Variants in GPHN observed in about 807,000 individuals in gnomAD.
The protein encoded by GPHN is gephyrin.
In GPHN, 17 loss-of-function variants were observed where a neutral mutation model predicts 95.5. The ratio of observed to expected loss-of-function variants is 0.18; its 90% confidence interval spans 0.12 to 0.27. GPHN has a LOEUF of 0.27. Among genes scored for constraint, GPHN ranks in the 10% least tolerant of loss-of-function variants. GPHN has a pLI of 1.00. For missense variants in GPHN, 660 were observed against 978.1 expected, an observed-to-expected ratio of 0.67 and a Z score of 4.34; for synonymous variants, 320 against 322.5, an observed-to-expected ratio of 0.99 and a Z score of 0.08.
intron 1 of GPHN, among the ~76,000 whole-genome samples, chr14:66,637,033 T>TA (rs770440008): frequency 8.5e-5 from 13 of 152,192 alleles, no homozygotes; most frequent in Non-Finnish European, 8.8e-5. Flanking sequence ...ACTGTAGTTG[T>TA]AAGTATTTGC....
At position 67,122,301 on chromosome 14, in the gene GPHN, A is replaced by G. The variant is rs768742351; in HGVS notation, c.1672A>G (p.Ser558Gly). 1 of 1,613,530 alleles carries G rather than the reference A, an allele frequency of 6.2e-7. No individual in the cohort carries two copies. Among genetic ancestry groups the G allele is most frequent in the Non-Finnish European group, 8.5e-7 (1 of 1,179,480 alleles). Reference protein sequence around the residue: ...DDLLPGKIRDSNRSTLLATIQ... With the variant: ...DDLLPGKIRDGNRSTLLATIQ... Reference sequence around the variant, plus strand: ...CCTCTTACCAGGGAAGATTCGAGACAGCAATCGTTCAACTCTTCTAGCAAC... The same window carrying G: ...CCTCTTACCAGGGAAGATTCGAGACGGCAATCGTTCAACTCTTCTAGCAAC... The change falls in exon 17 of 23, where the codon AGC (serine) becomes GGC (glycine). Residue 558 changes from serine to glycine, a missense_variant. Physicochemically the swap from Ser to Gly is moderately conservative, Grantham distance 56. Transcript: ENST00000478722.
chr14:67,151,541 G>T (rs73276976), intron 18 of GPHN, among the ~76,000 whole-genome samples: 5 of 152,156 alleles, frequency 3.3e-5, no homozygotes, highest in African/African-American at 1.2e-4. Flanking sequence ...AAATGAATAC[G>T]GAGGCCAAAA....
At chr14:67,196,912 T>C in the GPHN span, 1 of 152,204 alleles carries the variant, frequency 6.6e-6, no homozygotes, top group Non-Finnish European at 1.5e-5. Context: ...AATTAGTTTC[T>C]TTTGTATACA....
At chr14:66,727,384 G>A (rs956783662) in intron 2 of GPHN, among the ~76,000 whole-genome samples, 2 of 152,224 alleles carry the variant, frequency 1.3e-5, no homozygotes, top group Admixed American at 6.5e-5. Flanking sequence ...AAATGTGGAA[G>A]TGACTTTGGA....
At chr14:67,198,177 A>G in the GPHN span, 1 of 1,613,082 alleles carries the variant, frequency 6.2e-7, no homozygotes, top group Non-Finnish European at 8.5e-7. Flanking sequence ...GAAGAACACC[A>G]GCAAGACTAC....
chr14:67,037,373 T>C (rs1299068762), intron 10 of GPHN, among the ~76,000 whole-genome samples: 1 of 151,932 alleles, frequency 6.6e-6, no homozygotes, highest in African/African-American at 2.4e-5. Context: ...AAAAACTTTA[T>C]GACATTGAAA....
At chr14:67,066,085 T>C (rs1210549607) in intron 11 of GPHN, among the ~76,000 whole-genome samples, 1 of 152,224 alleles carries the variant, frequency 6.6e-6, no homozygotes, top group Non-Finnish European at 1.5e-5. Context: ...CAGTTGTTCC[T>C]TTCCATGTTT....
chr14:66,788,832 A>AGTTTTAGTAGAGATGGGGTTTCACCAT (rs2059875637), intron 3 of GPHN, among the ~76,000 whole-genome samples: 2 of 151,964 alleles, frequency 1.3e-5, no homozygotes, highest in African/African-American at 2.4e-5. Context: ...AATTTTTTGT[A>AGTTTTAGTAGAGATGGGGTTTCACCAT]GTTTTAGTAG....
the GPHN span, chr14:67,575,746 G>A: frequency 9.3e-7 from 1 of 1,080,786 alleles, no homozygotes. Context: ...CAGCTTCACG[G>A]AGCCTATGTA....
the GPHN span, among the ~76,000 whole-genome samples, chr14:67,560,388 T>TA: frequency 6.6e-6 from 1 of 152,240 alleles, no homozygotes; most frequent in Non-Finnish European, 1.5e-5. Context: ...AAAATATACA[T>TA]AAAATGTACC....
intron 1 of GPHN, among the ~76,000 whole-genome samples, chr14:66,517,126 C>CAAAAAAAAA (rs1171024713): frequency 3.5e-4 from 11 of 30,992 alleles, no homozygotes; most frequent in South Asian, 1.2e-3. Context: ...GACTCCATCT[C>CAAAAAAAAA]AAAAAAAAAA....
chr14:67,297,192 A>G, the GPHN span, among the ~76,000 whole-genome samples: 23,532 of 152,214 alleles, frequency 0.15, 3,430 homozygotes, highest in East Asian at 0.42. Context: ...CTTGAATAAG[A>G]TAAAGAAACT....
chr14:67,110,757 A>C (rs1010926740), intron 14 of GPHN, among the ~76,000 whole-genome samples: 4 of 152,232 alleles, frequency 2.6e-5, no homozygotes, highest in African/African-American at 9.6e-5. Flanking sequence ...CACTAAGCCA[A>C]GCATTTGAAC....
At chr14:67,728,703 T>TGGGGGGG in the GPHN span, among the ~76,000 whole-genome samples, 1 of 142,142 alleles carries the variant, frequency 7.0e-6, no homozygotes, top group African/African-American at 2.7e-5. Flanking sequence ...GGATATCTTG[T>TGGGGGGG]GGGGGGGGGG....
intron 17 of GPHN, among the ~76,000 whole-genome samples, chr14:67,138,514 T>C (rs1168347809): frequency 6.6e-6 from 1 of 152,178 alleles, no homozygotes; most frequent in East Asian, 1.9e-4. Context: ...TTCAGAGTAA[T>C]CTTTGAGTTT....
chr14:66,632,325 C>T (rs2063851496), intron 1 of GPHN, among the ~76,000 whole-genome samples: 1 of 152,040 alleles, frequency 6.6e-6, no homozygotes, highest in South Asian at 2.1e-4. Flanking sequence ...ATTGCATTTT[C>T]CATCAAATTT....
chr14:66,747,051 A>G (rs10148469), intron 2 of GPHN, among the ~76,000 whole-genome samples: 47,281 of 152,002 alleles, frequency 0.31, 11,178 homozygotes, highest in African/African-American at 0.64. Context: ...CCTGGACCTC[A>G]CTCACACCAC....
the GPHN span, among the ~76,000 whole-genome samples, chr14:67,193,074 C>T: frequency 2.1e-5 from 3 of 142,202 alleles, no homozygotes; most frequent in Non-Finnish European, 3.0e-5. Flanking sequence ...CTATATATAT[C>T]CATATATCTA....
chr14:67,207,780 CA>C, the GPHN span, among the ~76,000 whole-genome samples: 3 of 151,206 alleles, frequency 2.0e-5, no homozygotes, highest in East Asian at 3.9e-4. Flanking sequence ...AGTCTTTTGA[CA>C]AAAAAAAATT....
Sources: allele counts gnomAD v4.1 joint callset (sites outside exome capture counted in the v4.1 genomes callset), GRCh38; gene constraint gnomAD v4.1.1; transcripts MANE v1.5; gene names NCBI Gene and HGNC (gene_info 2026-07-23, HGNC 2026-07-21).